Variants in TMCC1 observed in about 807,000 individuals in gnomAD.
The protein encoded by TMCC1 is transmembrane and coiled-coil domain family 1.
In TMCC1, 15 loss-of-function variants were observed where a neutral mutation model predicts 52.4. The ratio of observed to expected loss-of-function variants is 0.29; its 90% CI spans 0.19 to 0.44. TMCC1 has a LOEUF of 0.44. Ranked by LOEUF, TMCC1 falls within the 20% of genes least tolerant of loss-of-function variation. TMCC1 has a pLI of 1.00. For synonymous variants in TMCC1, 279 were observed against 301.9 expected (o/e 0.92, Z 0.79); for missense variants, 503 against 806.0 (o/e 0.62, Z 4.55).
rs748511360 is a variant in TMCC1 at position 129,655,111 on chromosome 3, GA to G, written c.1512-9del. On this transcript the variant is annotated splice_polypyrimidine_tract_variant and intron_variant, in intron 5 of 6. Coordinates refer to ENST00000393238, the MANE Select transcript of TMCC1 (RefSeq NM_001017395.5). ...TCTTCCAATCGTTCACATCTAAGGA[GA>G]AAAAAAAAGTTTAGAATTTTATGAA... The G allele has an allele frequency of 1.4e-5, 22 of 1,586,460 alleles. No individual in the cohort carries two copies. Among genetic ancestry groups the G allele is most frequent in the Admixed American group, 1.1e-4 (6 of 53,130 alleles).
chr3:129,710,267 T>G (rs1020740628), intron 4 of TMCC1, among the ~76,000 whole-genome samples: 4 of 152,188 alleles, frequency 2.6e-5, no homozygotes, highest in Admixed American at 6.5e-5. Flanking sequence ...GGTCTCTGCT[T>G]TTGAACTATC....
chr3:129,758,456 G>A (rs1180189769), intron 4 of TMCC1, among the ~76,000 whole-genome samples: 3 of 152,162 alleles, frequency 2.0e-5, no homozygotes, highest in African/African-American at 7.2e-5. Context: ...TGACACTCCC[G>A]TAGCAATCTT....
rs869170594 is a variant in TMCC1, at chr3:129,764,757, GTATA to G, written c.576+63042_576+63045del. On this transcript the variant is annotated intron_variant, in intron 4 of 6. Transcript: ENST00000393238. ...ATTGTGTGTGTGTGTGTGTGTGTGT[GTATA>G]TATATATATATATATATATATATAT... Among the ~76,000 whole-genome samples, 181 of 73,316 alleles carry G rather than the reference GTATA, an allele frequency of 2.5e-3. 1 individual carries two copies. The highest frequency in any genetic ancestry group is 3.1e-3 in the Non-Finnish European group (148 of 48,138). 48.1% of individuals were successfully genotyped at this position (73,316 alleles called of 152,430 possible). A position where few individuals can be genotyped will look rare whatever the true frequency, so the allele number is the denominator to read the frequency against.
chr3:129,688,822 C>T, intron 4 of TMCC1: 1 of 870,832 alleles, frequency 1.1e-6, no homozygotes, highest in Non-Finnish European at 1.4e-6. Flanking sequence ...ACAAAAGCAC[C>T]ACACTGGTTG....
intron 2 of TMCC1, among the ~76,000 whole-genome samples, chr3:129,837,696 G>A (rs1331084895): frequency 1.3e-5 from 2 of 152,082 alleles, no homozygotes; most frequent in South Asian, 2.1e-4. Flanking sequence ...CCAGACCCAC[G>A]TATGACATAA....
At chr3:129,885,586 A>T (rs551437669) in intron 1 of TMCC1, among the ~76,000 whole-genome samples, 1 of 152,266 alleles carries the variant, frequency 6.6e-6, no homozygotes, top group East Asian at 1.9e-4. Context: ...CTTCATCTCA[A>T]AAAATAGAAA....
chr3:129,724,546 T>C (rs557180054), intron 4 of TMCC1, among the ~76,000 whole-genome samples: 20 of 152,230 alleles, frequency 1.3e-4, no homozygotes, highest in Non-Finnish European at 2.5e-4. Context: ...TGGTAATGGA[T>C]ATATGCCAGA....
At chr3:129,717,996 CA>C (rs1487845477) in intron 4 of TMCC1, among the ~76,000 whole-genome samples, 2 of 152,062 alleles carry the variant, frequency 1.3e-5, no homozygotes, top group East Asian at 3.9e-4. Context: ...CACTTATATG[CA>C]TATTTTTTCC....
intron 4 of TMCC1, among the ~76,000 whole-genome samples, chr3:129,718,837 ATG>A (rs993439844): frequency 5.3e-5 from 8 of 152,212 alleles, no homozygotes; most frequent in Non-Finnish European, 1.2e-4. Flanking sequence ...TATATAAAAT[ATG>A]TGTTAACAGT....
intron 2 of TMCC1, among the ~76,000 whole-genome samples, chr3:129,876,620 C>G (rs2061226886): frequency 1.3e-5 from 2 of 151,656 alleles, no homozygotes; most frequent in African/African-American, 4.8e-5. Flanking sequence ...ATATGCAGAC[C>G]TCATCTCTAC....
intron 4 of TMCC1, among the ~76,000 whole-genome samples, chr3:129,782,993 C>G (rs1437379114): frequency 6.6e-6 from 1 of 152,104 alleles, no homozygotes; most frequent in Non-Finnish European, 1.5e-5. Context: ...TTACAGTAGC[C>G]TTTTGACTTA....
chr3:129,811,641 T>TA (rs2057813479), intron 4 of TMCC1, among the ~76,000 whole-genome samples: 1 of 152,030 alleles, frequency 6.6e-6, no homozygotes, highest in Non-Finnish European at 1.5e-5. Flanking sequence ...TGCATTTTTT[T>TA]AAAAAAGAAA....
At chr3:129,832,599 T>G (rs1224566297) in intron 3 of TMCC1, among the ~76,000 whole-genome samples, 175 bp downstream of exon 3, 1 of 152,260 alleles carries the variant, frequency 6.6e-6, no homozygotes, top group Non-Finnish European at 1.5e-5. Context: ...ATCAACCATT[T>G]AGGAGGGTAT....
chr3:129,798,524 CAAAA>C (rs796919072), intron 4 of TMCC1, among the ~76,000 whole-genome samples: 91 of 67,882 alleles, frequency 1.3e-3, no homozygotes, highest in African/African-American at 3.9e-3. Context: ...TCTTCCTATC[CAAAA>C]AAAAAAAAAA....
chr3:129,673,123 C>A (rs950778249), intron 4 of TMCC1, among the ~76,000 whole-genome samples: 6 of 152,074 alleles, frequency 3.9e-5, no homozygotes, highest in Non-Finnish European at 8.8e-5. Flanking sequence ...AAGAGAATAT[C>A]TGGAATAGTT....
At chr3:129,772,741 A>G (rs930614599) in intron 4 of TMCC1, among the ~76,000 whole-genome samples, 1 of 151,490 alleles carries the variant, frequency 6.6e-6, no homozygotes, top group Non-Finnish European at 1.5e-5. Context: ...AAAAAAAAAA[A>G]AAACTGATTC....
intron 4 of TMCC1, among the ~76,000 whole-genome samples, chr3:129,815,346 T>C (rs1160925053): frequency 6.6e-6 from 1 of 152,068 alleles, no homozygotes; most frequent in Admixed American, 6.6e-5. Context: ...CTACCTGACT[T>C]CAAAACATAC....
At chr3:129,720,181 C>CAAAAAAAAAAAAA (rs765678095) in intron 4 of TMCC1, among the ~76,000 whole-genome samples, 41 of 58,694 alleles carry the variant, frequency 7.0e-4, no homozygotes, top group African/African-American at 2.4e-3. Context: ...GACCCTGTCT[C>CAAAAAAAAAAAAA]AAAAAAAAAA....
chr3:129,822,177 C>T (rs1423917940), intron 4 of TMCC1, among the ~76,000 whole-genome samples: 1 of 152,088 alleles, frequency 6.6e-6, no homozygotes, highest in African/African-American at 2.4e-5. Flanking sequence ...TGTCACTGTT[C>T]ATATTTTAAT....
Sources: allele counts gnomAD v4.1 joint callset (sites outside exome capture counted in the v4.1 genomes callset), GRCh38; gene constraint gnomAD v4.1.1; transcripts MANE v1.5; gene names NCBI Gene and HGNC (gene_info 2026-07-23, HGNC 2026-07-21).